WDR25: variants seen among roughly 807,000 people sequenced by gnomAD.
The protein encoded by WDR25 is WD repeat domain 25.
In WDR25, 35 loss-of-function variants were observed where a neutral mutation model predicts 47.7. That is an observed-to-expected ratio of 0.73 (90% confidence interval 0.56 to 0.97). WDR25 has a LOEUF of 0.97. Ranked by LOEUF, WDR25 falls within the 50% of genes least tolerant of loss-of-function variation. The pLI, the probability that WDR25 is intolerant of heterozygous loss-of-function variation, is 0.00. For missense variants in WDR25, 634 were observed against 704.7 expected (o/e 0.90, Z 1.14); for synonymous variants, 248 against 278.9 (o/e 0.89, Z 1.10).
chr14:100,379,490 C>T (rs1896820212), intron 1 of WDR25, among the ~76,000 whole-genome samples: 1 of 150,724 alleles, frequency 6.6e-6, no homozygotes, highest in Non-Finnish European at 1.5e-5. Flanking sequence ...CGGGTTCAAG[C>T]AATTCTTCTG....
rs1422345933 is a variant in WDR25, at chr14:100,449,851, A to G, written c.823-18170A>G. Among the ~76,000 whole-genome samples, 1 of 152,108 alleles carries G rather than the reference A, an allele frequency of 6.6e-6. No individual in the cohort carries two copies. Among genetic ancestry groups the G allele is most frequent in the Non-Finnish European group, 1.5e-5 (1 of 68,014 alleles). ...CCTGCCTCTGCTATGGTGTGATCAG[A>G]AGGGGGCTGTCTCCTGCTGTTACGC... On this transcript the variant is annotated intron_variant, in intron 2 of 6. Transcript: ENST00000402312. The surrounding 1 kb of genome is among the most constrained non-coding windows in gnomAD (Gnocchi z 4.2).
At chr14:100,454,981 A>G (rs2140273520) in intron 2 of WDR25, 1 of 153,570 alleles carries the variant, frequency 6.5e-6, no homozygotes, top group East Asian at 1.9e-4. Context: ...GATAACATAC[A>G]TTTTGTAATG....
chr14:100,434,652 G>A (rs1348951119), intron 2 of WDR25, among the ~76,000 whole-genome samples: 5 of 151,950 alleles, frequency 3.3e-5, no homozygotes, highest in African/African-American at 1.2e-4. Context: ...CCTCCCTTTT[G>A]TGTGAACCAC....
Position 100,381,021 on chromosome 14 carries a change from A to G in WDR25, c.97A>G (p.Thr33Ala), listed in dbSNP as rs1896874562. Residue 33 changes from threonine (T) to alanine (A), a missense_variant, in exon 2 of 7, where the codon ACC becomes GCC. Coordinates refer to ENST00000402312, the MANE Select transcript of WDR25 (RefSeq NM_001161476.3). Reference sequence around the variant, plus strand: ...AGAGCATGCAGGAAGTTTTAATGCTACCGGCCAGCAGAAAGACACTTCTGG... The same window carrying G: ...AGAGCATGCAGGAAGTTTTAATGCTGCCGGCCAGCAGAAAGACACTTCTGG... ...ETEHAGSFNA[T>A]GQQKDTSGVA... is the part of the protein sequence containing the mutation. 1 of 1,614,178 alleles carries G rather than the reference A, an allele frequency of 6.2e-7. No homozygotes were observed.
intron 4 of WDR25, among the ~76,000 whole-genome samples, chr14:100,517,485 A>G (rs1037092005): frequency 3.9e-5 from 6 of 152,154 alleles, no homozygotes; most frequent in African/African-American, 1.4e-4. Context: ...AAGGACTACA[A>G]TATACATGCC....
chr14:100,388,603 GT>G (rs948718537), intron 2 of WDR25, among the ~76,000 whole-genome samples: 5 of 152,122 alleles, frequency 3.3e-5, no homozygotes, highest in Non-Finnish European at 5.9e-5. Context: ...GGGAAGTGAA[GT>G]TTTTTTGACA....
chr14:100,382,097 A>G (rs1229641118), intron 2 of WDR25: 2 of 702,894 alleles, frequency 2.8e-6, no homozygotes, highest in Non-Finnish European at 5.2e-6. Flanking sequence ...TGGAGCATTG[A>G]GCCATGCCAG....
At chr14:100,514,171 C>A (rs1433480769) in intron 4 of WDR25, among the ~76,000 whole-genome samples, 1 of 148,836 alleles carries the variant, frequency 6.7e-6, no homozygotes, top group Non-Finnish European at 1.5e-5. Context: ...CTCCTGACCT[C>A]GTGATCCGCC....
intron 4 of WDR25, among the ~76,000 whole-genome samples, chr14:100,520,319 T>TA (rs1901675560): frequency 6.6e-6 from 1 of 152,144 alleles, no homozygotes. Flanking sequence ...TTTTTGTTTT[T>TA]ATATTTTAAA....
chr14:100,446,594 A>G (rs1429667890), intron 2 of WDR25, among the ~76,000 whole-genome samples: 1 of 152,016 alleles, frequency 6.6e-6, no homozygotes, highest in East Asian at 1.9e-4. Context: ...AAATCACAAC[A>G]CATGGTAAGT....
intron 4 of WDR25, among the ~76,000 whole-genome samples, chr14:100,511,543 A>G (rs545220974): frequency 1.5e-4 from 22 of 151,430 alleles, no homozygotes; most frequent in Admixed American, 5.3e-4. Context: ...TCTCTCATCT[A>G]TTTTCTCTCT....
chr14:100,436,707 G>C (rs118129771), intron 2 of WDR25, among the ~76,000 whole-genome samples: 154 of 152,272 alleles, frequency 1.0e-3, no homozygotes, highest in Non-Finnish European at 2.0e-3. Flanking sequence ...GTGTAGCTTG[G>C]TTTTACTTTG....
chr14:100,519,958 A>G (rs1901658151), intron 4 of WDR25, among the ~76,000 whole-genome samples: 1 of 144,904 alleles, frequency 6.9e-6, no homozygotes, highest in South Asian at 2.1e-4. Flanking sequence ...TACAGTGTGT[A>G]TATAGTATAT....
intron 2 of WDR25, among the ~76,000 whole-genome samples, chr14:100,386,391 T>C (rs1172672176): frequency 2.6e-5 from 4 of 152,210 alleles, no homozygotes. Context: ...TGCTGCCCAA[T>C]CTTCTGTAAC....
chr14:100,519,478 A>C (rs1901623318), intron 4 of WDR25, among the ~76,000 whole-genome samples: 2 of 151,696 alleles, frequency 1.3e-5, no homozygotes. Flanking sequence ...CAAACATTGC[A>C]TACTTCATCT....
Position 100,529,186 on chromosome 14 carries a change from G to A in WDR25, c.1391G>A (p.Arg464Gln), listed in dbSNP as rs2030342581. Residue 464 changes from arginine (R) to glutamine (Q), a missense_variant, in exon 6 of 7, where the codon CGG (arginine) becomes CAG (glutamine). Coordinates refer to ENST00000402312, the MANE Select transcript of WDR25 (RefSeq NM_001161476.3). The surrounding 1 kb of genome is among the most constrained non-coding windows in gnomAD (Gnocchi z 5.1). ...STVWPYRMSR[R>Q]RRYEGHKVEG... ...GTGTGGCCCTACCGGATGAGCAGACGGCGGCGCTATGAAGGGCACAAGGTA... is the reference window on the plus strand; with the variant it reads ...GTGTGGCCCTACCGGATGAGCAGACAGCGGCGCTATGAAGGGCACAAGGTA... 33 of 1,613,294 alleles carry A rather than the reference G, an allele frequency of 2.0e-5. No individual in the cohort carries two copies. The highest frequency in any genetic ancestry group is 2.7e-5 in the Non-Finnish European group (32 of 1,179,550).
intron 3 of WDR25, among the ~76,000 whole-genome samples, chr14:100,478,489 CTTAG>C (rs1441536836): frequency 6.6e-6 from 1 of 152,232 alleles, no homozygotes; most frequent in Admixed American, 6.5e-5. Flanking sequence ...TTGAGAACTT[CTTAG>C]TTAGCGAGAT....
intron 4 of WDR25, among the ~76,000 whole-genome samples, chr14:100,492,777 A>G (rs1484449306): frequency 6.6e-6 from 1 of 152,154 alleles, no homozygotes; most frequent in Non-Finnish European, 1.5e-5. Flanking sequence ...CATGGGCTTG[A>G]TGCCTTAGTT....
chr14:100,454,441 A>C (rs1566917454), intron 2 of WDR25: 1 of 1,287,240 alleles, frequency 7.8e-7, no homozygotes, highest in African/African-American at 1.5e-5. Flanking sequence ...AAAATTGAAA[A>C]TTATGTTTGG....
Sources: gnomAD v4.1 joint callset for allele counts (sites outside exome capture counted in the v4.1 genomes callset) on GRCh38, gnomAD v4.1.1 for gene constraint, Gnocchi (gnomAD v3.1) non-coding constraint, MANE v1.5 for transcripts, NCBI Gene and HGNC (gene_info 2026-07-23, HGNC 2026-07-21) for gene names.